MGAT5: variants seen among roughly 807,000 people sequenced by gnomAD.
MGAT5 encodes the protein alpha-1,6-mannosylglycoprotein 6-beta-N-acetylglucosaminyltransferase, also known as alpha-1,6-mannosylglycoprotein 6-beta-N-acetylglucosaminyltransferase A.
Under a neutral mutation model 94.3 loss-of-function variants are expected in MGAT5, and 30 were observed. That is an observed-to-expected ratio of 0.32 (90% CI 0.24 to 0.43). The LOEUF (loss-of-function observed/expected upper bound fraction) is 0.43, where lower values mean the gene tolerates loss of function less well. MGAT5 is among the 20% of genes least tolerant of loss of function. The probability of loss-of-function intolerance (pLI) is 1.00; values close to 1 mark genes in which losing one functional copy is unlikely to be tolerated. For missense variants in MGAT5, 691 were observed against 905.5 expected, an observed-to-expected ratio of 0.76 and a Z score of 3.04; for synonymous variants, 310 against 322.9, an observed-to-expected ratio of 0.96 and a Z score of 0.43.
intron 1 of MGAT5, among the ~76,000 whole-genome samples, chr2:134,144,330 C>G (rs1686805202): frequency 6.6e-6 from 1 of 152,180 alleles, no homozygotes; most frequent in Non-Finnish European, 1.5e-5. Flanking sequence ...GCCAGCACTT[C>G]CCATGGCCAG....
intron 4 of MGAT5, among the ~76,000 whole-genome samples, chr2:134,335,516 CT>C (rs2105976536): frequency 6.6e-6 from 1 of 151,910 alleles, no homozygotes; most frequent in East Asian, 1.9e-4. Context: ...TTCTTTTTTC[CT>C]TTCTCTTTCC....
At chr2:134,358,626 A>T (rs36086226) in intron 9 of MGAT5, among the ~76,000 whole-genome samples, 15,380 of 152,198 alleles carry the variant, frequency 0.1, 901 homozygotes, top group South Asian at 0.22. Flanking sequence ...TGACCAGGAG[A>T]TGTGAAGATA....
chr2:134,333,259 A>C (rs548926732), intron 4 of MGAT5, among the ~76,000 whole-genome samples: 1 of 152,200 alleles, frequency 6.6e-6, no homozygotes, highest in East Asian at 1.9e-4. Flanking sequence ...CAGCCATAAA[A>C]AATGATGAGT....
rs772061523 is a variant in MGAT5 at position 134,349,874 on chromosome 2, G to A, written c.1182G>A (p.Ser394=). The A allele has an allele frequency of 6.8e-6, 11 of 1,613,582 alleles. No individual in the cohort carries two copies. Among genetic ancestry groups the A allele is most frequent in the South Asian group, 4.4e-5 (4 of 91,066 alleles). Residue 394 remains serine, a synonymous_variant, in exon 9 of 16, where the codon TCG becomes TCA. Coordinates refer to ENST00000281923, the MANE Select transcript of MGAT5 (RefSeq NM_002410.5). The part of the protein sequence containing the change: ...PEFNHANYAQ[S]KGHKTPWGKW... Reference sequence around the variant, plus strand: ...TTAATCATGCAAATTATGCCCAATCGAAAGGCCACAAGACCCCTTGGGGAA... The same window carrying A: ...TTAATCATGCAAATTATGCCCAATCAAAAGGCCACAAGACCCCTTGGGGAA...
chr2:134,180,155 G>T (rs1347746518), intron 1 of MGAT5, among the ~76,000 whole-genome samples: 1 of 152,184 alleles, frequency 6.6e-6, no homozygotes, highest in Non-Finnish European at 1.5e-5. Flanking sequence ...ATATAATCAA[G>T]AAATAACTGT....
chr2:134,314,367 A>G lies in MGAT5; in HGVS notation c.407-3162A>G, dbSNP rs536297968. ...AAACCACCAGTTTGAGGAAGAGGAA[A>G]GGCCCTGGCCTGGTGGGAGTCTCTG... On this transcript the variant is annotated intron_variant, in intron 2 of 15. Coordinates refer to ENST00000281923, the MANE Select transcript of MGAT5 (RefSeq NM_002410.5). Among the ~76,000 whole-genome samples the G allele has an allele frequency of 4.0e-4, 61 of 152,346 alleles. No homozygotes were observed. The Middle Eastern group carries it at 0.01, about 25-fold the overall frequency.
At chr2:134,351,825 T>G (rs1439074398) in intron 9 of MGAT5, among the ~76,000 whole-genome samples, 1 of 152,138 alleles carries the variant, frequency 6.6e-6, no homozygotes, top group African/African-American at 2.4e-5. Flanking sequence ...ACATAGACCC[T>G]TATATATACA....
intron 10 of MGAT5, among the ~76,000 whole-genome samples, chr2:134,380,584 G>A (rs546004961): frequency 3.2e-4 from 48 of 152,280 alleles, no homozygotes; most frequent in Non-Finnish European, 6.3e-4. Flanking sequence ...TCTGTTACCC[G>A]GCAGGTTCAC....
intron 1 of MGAT5, among the ~76,000 whole-genome samples, chr2:134,181,272 A>T (rs184122975): frequency 1.0e-3 from 159 of 152,284 alleles, no homozygotes; most frequent in African/African-American, 3.7e-3. Context: ...AATGCACAGG[A>T]CGGTCCCCAC....
chr2:134,432,924 G>C (rs575174916), intron 14 of MGAT5, among the ~76,000 whole-genome samples: 1 of 152,200 alleles, frequency 6.6e-6, no homozygotes, highest in Non-Finnish European at 1.5e-5. Flanking sequence ...TTTCAAACTG[G>C]CTCACTGAGG....
intron 1 of MGAT5, among the ~76,000 whole-genome samples, chr2:134,146,418 G>A (rs956846202): frequency 4.6e-5 from 7 of 152,030 alleles, no homozygotes; most frequent in Non-Finnish European, 8.8e-5. Flanking sequence ...AAATTAGCCA[G>A]GTGTGGTGTC....
At chr2:134,133,046 A>G (rs1686249999) in intron 1 of MGAT5, among the ~76,000 whole-genome samples, 1 of 152,206 alleles carries the variant, frequency 6.6e-6, no homozygotes. Flanking sequence ...TTCAAGTGCT[A>G]GTTATTTATT....
At chr2:134,167,193 CG>C (rs1287529557) in intron 1 of MGAT5, among the ~76,000 whole-genome samples, 5 of 152,058 alleles carry the variant, frequency 3.3e-5, no homozygotes, top group African/African-American at 1.2e-4. Flanking sequence ...CCATTAGGGG[CG>C]GGAGGGAAGG....
At chr2:134,347,896 G>A (rs1573880218) in intron 8 of MGAT5, among the ~76,000 whole-genome samples, 1 of 152,180 alleles carries the variant, frequency 6.6e-6, no homozygotes, top group Admixed American at 6.5e-5. Context: ...CCTGCACAGA[G>A]TGCTGTAATC....
intron 1 of MGAT5, among the ~76,000 whole-genome samples, chr2:134,206,549 C>A (rs1310440715): frequency 6.6e-6 from 1 of 152,154 alleles, no homozygotes; most frequent in Non-Finnish European, 1.5e-5. Context: ...CTGTAGTAGG[C>A]TAACACCCTC....
At chr2:134,186,919 A>G (rs879414036) in intron 1 of MGAT5, among the ~76,000 whole-genome samples, 1 of 152,192 alleles carries the variant, frequency 6.6e-6, no homozygotes, top group Non-Finnish European at 1.5e-5. Flanking sequence ...GGCAGGAGAT[A>G]GTGCCGCGTG....
intron 14 of MGAT5, among the ~76,000 whole-genome samples, chr2:134,438,764 C>A (rs1558887455): frequency 1.3e-5 from 2 of 152,142 alleles, no homozygotes; most frequent in African/African-American, 4.8e-5. Flanking sequence ...TCTGGTGGTG[C>A]CCAGGGCTGT....
At chr2:134,166,061 A>T (rs1177062402) in intron 1 of MGAT5, among the ~76,000 whole-genome samples, 1 of 152,198 alleles carries the variant, frequency 6.6e-6, no homozygotes, top group African/African-American at 2.4e-5. Context: ...TAGGATTGGC[A>T]TGTAGACACA....
chr2:134,223,343 A>G (rs1157456587), intron 1 of MGAT5, among the ~76,000 whole-genome samples: 1 of 152,220 alleles, frequency 6.6e-6, no homozygotes, highest in Non-Finnish European at 1.5e-5. Context: ...TAGTTTTAGC[A>G]ACAGAGCATT....
Sources: gnomAD v4.1 joint callset for allele counts (sites outside exome capture counted in the v4.1 genomes callset) on GRCh38, gnomAD v4.1.1 for gene constraint, MANE v1.5 for transcripts, NCBI Gene and HGNC (gene_info 2026-07-23, HGNC 2026-07-21) for gene names.